The following SETD4 variants were observed in gnomAD, a reference collection of about 807,000 sequenced individuals.
SETD4 encodes SET domain containing 4.
A neutral mutation model predicts 58.3 loss-of-function variants in SETD4; 46 were observed. The observed-to-expected ratio is 0.79, with a 90% CI of 0.62 to 1.01. The LOEUF (loss-of-function observed/expected upper bound fraction) is 1.01. SETD4 is among the 50% of genes least tolerant of loss of function. The pLI is 0.00. For synonymous variants in SETD4, 190 were observed against 202.6 expected, an observed-to-expected ratio of 0.94 and a Z score of 0.53; for missense variants, 490 against 523.3, an observed-to-expected ratio of 0.94 and a Z score of 0.62.
intron 4 of SETD4, chr21:36,050,965 T>C: frequency 1.2e-6 from 2 of 1,608,426 alleles, no homozygotes; most frequent in Non-Finnish European, 1.7e-6. Context: ...CAGCTAGCTA[T>C]CCAGGTGTCT....
rs200791231 is a variant in SETD4 at position 36,048,349 on chromosome 21, C to T, written c.255G>A (p.Thr85=). 9.9e-6 allele frequency: 16 copies of T among 1,614,036 alleles called. No homozygotes were observed. Among genetic ancestry groups the T allele is most frequent in the East Asian group, 8.9e-5 (4 of 44,864 alleles). ...CTAAGTAGCTTCGAATCACTGTGTC[C>T]GTGGTGAGCAGGCAACTCTCAGGCA... The part of the protein sequence containing the change: ...ISLPESCLLT[T]DTVIRSYLGA... The change falls in exon 5 of 12, where the codon ACG becomes ACA. Residue 85 remains threonine (T), a synonymous_variant. Transcript: ENST00000332131.
intron 10 of SETD4, among the ~76,000 whole-genome samples, chr21:36,036,841 C>T (rs1247847432): frequency 6.6e-6 from 1 of 152,212 alleles, no homozygotes; most frequent in Non-Finnish European, 1.5e-5. Flanking sequence ...GAAGTACATT[C>T]AGCCTTATAA....
chr21:36,059,931 G>A (rs2065205419), intron 1 of SETD4: 1 of 985,380 alleles, frequency 1.0e-6, no homozygotes. Context: ...AGACTCCCGG[G>A]CCCTCGCGCG....
intron 10 of SETD4, chr21:36,036,768 T>G: frequency 3.3e-6 from 1 of 299,632 alleles, no homozygotes; most frequent in Non-Finnish European, 4.9e-6. Context: ...AAGGCAAAGA[T>G]ATGGAATCAA....
chr21:36,053,802 C>A (rs1278764440), intron 3 of SETD4, among the ~76,000 whole-genome samples, 182 bp from the exon 4 acceptor site: 1 of 152,188 alleles, frequency 6.6e-6, no homozygotes, highest in Non-Finnish European at 1.5e-5. Flanking sequence ...AATGTCTTGA[C>A]CTCCAGTGAG....
intron 10 of SETD4, chr21:36,036,616 A>C (rs1178803953): frequency 2.1e-6 from 2 of 973,950 alleles, no homozygotes; most frequent in Non-Finnish European, 2.4e-6. Context: ...CATTAAAATC[A>C]CTCTTTAAAT....
chr21:36,038,446 C>T lies in SETD4; in HGVS notation c.1065-173G>A, dbSNP rs561600550. ...CCACTTGCAGCTCCCATGTGGAAGC[C>T]GACCAGGTAATGAGAGAGGAGGAGG... On this transcript the variant is annotated intron_variant, in intron 9 of 11. Coordinates refer to ENST00000332131, the MANE Select transcript of SETD4 (RefSeq NM_017438.5). Among the ~76,000 whole-genome samples, 11 of 152,164 alleles carry T rather than the reference C, an allele frequency of 7.2e-5. No individual in the cohort carries two copies. The East Asian group carries it at 1.4e-3, about 19-fold the overall frequency.
chr21:36,057,247 A>T (rs1268141220), intron 2 of SETD4, 43 bp from the exon 3 acceptor site: 1 of 1,380,196 alleles, frequency 7.2e-7, no homozygotes, highest in Non-Finnish European at 1.0e-6. Context: ...AAACCACTAT[A>T]TAATCGGATT....
rs1352018892 is a variant in SETD4, at chr21:36,035,514, G to C, written c.*479C>G. 1.3e-5 allele frequency: 2 copies of C among 153,746 alleles called. No individual in the cohort carries two copies. Among genetic ancestry groups the C allele is most frequent in the Non-Finnish European group, 2.9e-5 (2 of 68,958 alleles). The allele number at this position is 153,746 out of a possible 1,614,324, so 9.5% of individuals were successfully genotyped here. On this transcript the variant is annotated 3_prime_UTR_variant, in exon 12 of 12. Coordinates refer to ENST00000332131, the MANE Select transcript of SETD4 (RefSeq NM_017438.5). The stretch of plus-strand genomic sequence containing the variant: ...CATTCCCTCCTCCTGGAAGCTGTGT[G>C]TCCCCTAGGGGGCTCTTCAACACCC...
At chr21:36,041,662 T>C in intron 8 of SETD4, 145 bp downstream of exon 8, 1 of 595,016 alleles carries the variant, frequency 1.7e-6, no homozygotes, top group African/African-American at 1.9e-5. Flanking sequence ...AAGCGCAGTT[T>C]TACTGCACAT....
intron 7 of SETD4, 104 bp from the exon 8 acceptor site, chr21:36,041,992 A>G: frequency 1.7e-6 from 1 of 595,098 alleles, no homozygotes; most frequent in East Asian, 3.0e-5. Flanking sequence ...CAACCCAGAC[A>G]TGCATAAACA....
chr21:36,042,116 A>G (rs375434693), intron 7 of SETD4: 1 of 328,514 alleles, frequency 3.0e-6, no homozygotes, highest in African/African-American at 2.2e-5. Flanking sequence ...AAACACGCAT[A>G]ACCTCAGCTC....
chr21:36,050,898 A>C (rs1009562048), intron 4 of SETD4: 11 of 1,610,928 alleles, frequency 6.8e-6, no homozygotes, highest in Non-Finnish European at 8.5e-6. Flanking sequence ...GAGAATGCAA[A>C]GCAACTGCTC....
intron 1 of SETD4, chr21:36,059,774 A>C: frequency 1.0e-6 from 1 of 985,484 alleles, no homozygotes; most frequent in Non-Finnish European, 1.2e-6. Context: ...CAAGAACTCC[A>C]GGCAATATTA....
chr21:36,043,580 A>G (rs1234660477), intron 7 of SETD4: 9 of 1,396,558 alleles, frequency 6.4e-6, no homozygotes, highest in East Asian at 2.6e-5. Context: ...ACTTCTCAAA[A>G]TATCAGTCAA....
intron 9 of SETD4, 113 bp from the exon 10 acceptor site, chr21:36,038,386 A>G: frequency 7.7e-7 from 1 of 1,298,636 alleles, no homozygotes; most frequent in Non-Finnish European, 1.1e-6. Context: ...GCATAATACA[A>G]CTCATTCCAT....
Position 36,057,146 on chromosome 21 carries a change from C to T in SETD4, c.132G>A (p.Lys44=). 6.2e-7 allele frequency: 1 copy of T among 1,614,232 alleles called. No homozygotes were observed. The highest frequency in any genetic ancestry group is 8.5e-7 in the Non-Finnish European group (1 of 1,180,042). ...IELRKWLKAR[K]FQDSNLAPAC... ...CAGGCGCTAAGTTTGAATCTTGAAA[C>T]TTCCTAGCTTTCAGCCACTTCCTCA... Residue 44 remains lysine (K), a synonymous_variant, in exon 3 of 12, where the codon AAG becomes AAA. Coordinates refer to ENST00000332131, the MANE Select transcript of SETD4 (RefSeq NM_017438.5).
In SETD4 at chr21:36,040,669, A is replaced by C. The variant is rs111507122; in HGVS notation, c.984-14T>G. ...AATGTCAAATTTCTGAAGTAGAAAA[A>C]CAAATAATGACAAATCCATCATTTC... On this transcript the variant is annotated splice_polypyrimidine_tract_variant and intron_variant, in intron 8 of 11. Transcript: ENST00000332131. The C allele has an allele frequency of 1.4e-5, 22 of 1,598,240 alleles. No individual in the cohort carries two copies. In the South Asian group the frequency reaches 2.2e-4, roughly 16 times the overall value.
intron 4 of SETD4, chr21:36,050,770 G>C (rs920886228): frequency 6.2e-7 from 1 of 1,612,128 alleles, no homozygotes; most frequent in Non-Finnish European, 8.5e-7. Flanking sequence ...CATCTTATTT[G>C]CCATGAAGCG....
Sources: allele counts gnomAD v4.1 joint callset (sites outside exome capture counted in the v4.1 genomes callset), GRCh38; gene constraint gnomAD v4.1.1; transcripts MANE v1.5; gene names NCBI Gene and HGNC (gene_info 2026-07-23, HGNC 2026-07-21).